SCAPER: variants seen among roughly 807,000 people sequenced by gnomAD.
SCAPER encodes the protein S phase cyclin A-associated protein in the endoplasmic reticulum.
SCAPER carries 98 observed loss-of-function variants against 182.2 expected under a neutral mutation model. The observed-to-expected ratio is 0.54, with a 90% CI of 0.46 to 0.64. SCAPER has a LOEUF of 0.64. SCAPER is among the 30% of genes least tolerant of loss of function. The pLI is 0.00. For missense variants in SCAPER, 1,432 were observed against 1,690.0 expected, an observed-to-expected ratio of 0.85 and a Z score of 2.68; for synonymous variants, 605 against 564.6, an observed-to-expected ratio of 1.07 and a Z score of -1.01.
chr15:76,827,037 A>C (rs917489616), intron 5 of SCAPER, among the ~76,000 whole-genome samples: 1 of 152,170 alleles, frequency 6.6e-6, no homozygotes, highest in Non-Finnish European at 1.5e-5. Context: ...GACAAAGCGA[A>C]GTTGTAATGT....
At chr15:76,556,735 C>T (rs893708251) in intron 23 of SCAPER, among the ~76,000 whole-genome samples, 7 of 150,732 alleles carry the variant, frequency 4.6e-5, no homozygotes, top group African/African-American at 1.7e-4. Flanking sequence ...AGTAATAAGC[C>T]TATAAACCAA....
At chr15:76,571,270 C>T (rs1380223009) in intron 23 of SCAPER, among the ~76,000 whole-genome samples, 1 of 152,080 alleles carries the variant, frequency 6.6e-6, no homozygotes, top group Non-Finnish European at 1.5e-5. Flanking sequence ...TGCTTTCTTC[C>T]CCACCTAGCA....
chr15:76,652,518 T>TACACACACACACACACATAC (rs2055242992), intron 21 of SCAPER, among the ~76,000 whole-genome samples: 1 of 88,926 alleles, frequency 1.1e-5, no homozygotes, highest in Non-Finnish European at 2.1e-5. Context: ...TTTACATACA[T>TACACACACACACACACATAC]ACACACACAC....
In SCAPER at chr15:76,576,650, A is replaced by G. The variant is rs116743933; in HGVS notation, c.2712-2366T>C. ...TATCACTGAAAAAGGCACTGAAGAG[A>G]CAGGAAAGACAGTCTTGAAATGCTG... On this transcript the variant is annotated intron_variant, in intron 22 of 31. Transcript: ENST00000563290. 6.3e-3 allele frequency among the ~76,000 whole-genome samples: 956 copies of G among 152,268 alleles called. 8 individuals carry two copies. Among genetic ancestry groups the G allele is most frequent in the African/African-American group, 0.022 (900 of 41,552 alleles).
Position 76,766,841 on chromosome 15 carries a change from C to T in SCAPER, c.1419+77G>A, listed in dbSNP as rs148187102. 2.6e-4 allele frequency: 312 copies of T among 1,218,208 alleles called. 2 individuals are homozygous for T. In the African/African-American group the frequency reaches 2.8e-3, roughly 11 times the overall value. 75.5% of individuals were successfully genotyped at this position (1,218,208 alleles called of 1,614,324 possible). A position where few individuals can be genotyped will look rare whatever the true frequency, so the allele number is the denominator to read the frequency against. The stretch of plus-strand genomic sequence containing the variant: ...ATTCTAAATAGGACTAGATGGACTC[C>T]AAGTCTTTCTGGCCCAGATAATTTT... On this transcript the variant is annotated intron_variant, in intron 11 of 31. Transcript: ENST00000563290.
At position 76,800,349 on chromosome 15, in the gene SCAPER, T is replaced by C. The variant is rs764129534; in HGVS notation, c.510A>G (p.Ala170=). ...CCGGAGACATCTTCTTTACTTCCCA[T>C]GCCAATGATGTTGGTCTGCGAATTC... is the stretch of plus-strand genomic sequence containing the variant. ...TDAQSRPTSL[A]WEVKKMSPGR... Residue 170 remains alanine, a synonymous_variant, in exon 7 of 32, where the codon GCA becomes GCG. Coordinates refer to ENST00000563290, the MANE Select transcript of SCAPER (RefSeq NM_020843.4). The C allele has an allele frequency of 6.2e-7, 1 of 1,609,334 alleles. No homozygotes were observed.
At chr15:76,838,838 C>T (rs1417442106) in intron 5 of SCAPER, among the ~76,000 whole-genome samples, 2 of 152,198 alleles carry the variant, frequency 1.3e-5, no homozygotes, top group Admixed American at 1.3e-4. Context: ...ATGCCAATCT[C>T]CCCTTCCGGC....
intron 4 of SCAPER, among the ~76,000 whole-genome samples, chr15:76,853,907 T>C (rs527739138): frequency 1.3e-5 from 2 of 152,354 alleles, no homozygotes; most frequent in African/African-American, 4.8e-5. Flanking sequence ...ATTCTATGTA[T>C]CTAGAAAACC....
At chr15:76,830,353 G>C (rs1042870124) in intron 5 of SCAPER, among the ~76,000 whole-genome samples, 1 of 152,118 alleles carries the variant, frequency 6.6e-6, no homozygotes, top group African/African-American at 2.4e-5. Context: ...AGTAATGAGA[G>C]AGACATATTT....
intron 20 of SCAPER, among the ~76,000 whole-genome samples, chr15:76,681,803 C>T (rs1322602096): frequency 1.3e-5 from 2 of 152,118 alleles, no homozygotes; most frequent in Non-Finnish European, 2.9e-5. Flanking sequence ...GCGGTAGGGG[C>T]AAGACTCCAG....
chr15:76,832,181 G>T (rs993986157), intron 5 of SCAPER, among the ~76,000 whole-genome samples: 3 of 152,170 alleles, frequency 2.0e-5, no homozygotes, highest in African/African-American at 7.2e-5. Flanking sequence ...AATCTGGATG[G>T]GAAGGAAACT....
At chr15:76,534,357 C>A (rs2144609510) in intron 23 of SCAPER, among the ~76,000 whole-genome samples, 1 of 152,218 alleles carries the variant, frequency 6.6e-6, no homozygotes, top group East Asian at 1.9e-4. Context: ...ACCAAGGGAG[C>A]AGCTTTGGGA....
At chr15:76,624,818 G>C (rs528329842) in intron 21 of SCAPER, among the ~76,000 whole-genome samples, 68 of 152,342 alleles carry the variant, frequency 4.5e-4, no homozygotes, top group African/African-American at 1.5e-3. Flanking sequence ...TGGGCCTACA[G>C]GCAGCTTGCT....
In SCAPER at chr15:76,573,631, C is replaced by G. The variant is rs116112042; in HGVS notation, c.2838+527G>C. Among the ~76,000 whole-genome samples the G allele has an allele frequency of 9.1e-3, 1,378 of 152,098 alleles. 20 individuals are homozygous for G. The highest frequency in any genetic ancestry group is 0.032 in the African/African-American group (1,339 of 41,514). ...AATAAAATGTTATCAGTTGCTATTACAGGAAGTTTTATTTCTTCTTTGTAC... is the reference window on the plus strand; with the variant it reads ...AATAAAATGTTATCAGTTGCTATTAGAGGAAGTTTTATTTCTTCTTTGTAC... On this transcript the variant is annotated intron_variant, in intron 23 of 31. Coordinates refer to ENST00000563290, the MANE Select transcript of SCAPER (RefSeq NM_020843.4).
At chr15:76,489,184 A>G (rs1327404667) in intron 24 of SCAPER, among the ~76,000 whole-genome samples, 1 of 142,386 alleles carries the variant, frequency 7.0e-6, no homozygotes, top group African/African-American at 2.6e-5. Flanking sequence ...CTTATAAATC[A>G]TGCATGAGAG....
At chr15:76,416,315 A>AGG (rs1555428157) in intron 26 of SCAPER, among the ~76,000 whole-genome samples, 1 of 15,654 alleles carries the variant, frequency 6.4e-5, no homozygotes, top group Non-Finnish European at 1.9e-4. Context: ...CCTCTACTAA[A>AGG]AGAAAAAAAA....
At chr15:76,905,170 G>A (rs1416199286) in intron 1 of SCAPER, 129 bp downstream of exon 1, 1 of 157,826 alleles carries the variant, frequency 6.3e-6, no homozygotes, top group African/African-American at 2.4e-5. Context: ...TCCCAGGTGA[G>A]GGGAGGGGGT....
At chr15:76,737,516 A>G (rs1001597877) in intron 15 of SCAPER, among the ~76,000 whole-genome samples, 10 of 152,242 alleles carry the variant, frequency 6.6e-5, no homozygotes, top group Admixed American at 3.9e-4. Context: ...CTAATTCTTA[A>G]AGGGCCTAGA....
intron 23 of SCAPER, among the ~76,000 whole-genome samples, chr15:76,553,996 C>G (rs2045986786): frequency 6.6e-6 from 1 of 152,068 alleles, no homozygotes; most frequent in Non-Finnish European, 1.5e-5. Flanking sequence ...GCTGAAATGA[C>G]AGACACAGAA....
Sources: allele counts gnomAD v4.1 joint callset (sites outside exome capture counted in the v4.1 genomes callset), GRCh38; gene constraint gnomAD v4.1.1; transcripts MANE v1.5; gene names NCBI Gene and HGNC (gene_info 2026-07-23, HGNC 2026-07-21).